The following NDUFAF6 variants were observed in gnomAD, a reference collection of about 807,000 sequenced individuals.
NDUFAF6 encodes NADH dehydrogenase (ubiquinone) complex I, assembly factor 6.
A neutral mutation model predicts 40.8 loss-of-function variants in NDUFAF6; 45 were observed. That is an observed-to-expected ratio of 1.10 (90% CI 0.87 to 1.42). The LOEUF is 1.42. NDUFAF6 is among the 40% of genes most tolerant of loss of function. NDUFAF6 has a pLI of 0.00. For synonymous variants in NDUFAF6, 185 were observed against 155.9 expected, an observed-to-expected ratio of 1.19 and a Z score of -1.39; for missense variants, 435 against 418.5, an observed-to-expected ratio of 1.04 and a Z score of -0.34.
chr8:95,046,296 C>T (rs544624509), intron 5 of NDUFAF6, among the ~76,000 whole-genome samples: 69 of 152,242 alleles, frequency 4.5e-4, no homozygotes, highest in Middle Eastern at 3.4e-3. Flanking sequence ...CTGCCCGCCT[C>T]GGCCTCCCAA....
intron 2 of NDUFAF6, chr8:94,950,371 T>G: frequency 6.6e-6 from 1 of 152,332 alleles, no homozygotes; most frequent in Non-Finnish European, 1.5e-5. Flanking sequence ...TGAGTAACGT[T>G]GATGCCTATC....
chr8:95,057,745 GTTTTTTT>G, intron 8 of NDUFAF6, 57 bp from the exon 9 acceptor site: 1 of 990,262 alleles, frequency 1.0e-6, no homozygotes, highest in Non-Finnish European at 1.5e-6. Context: ...TCTTTAGTTA[GTTTTTTT>G]TTTTTTTAAG....
chr8:94,954,303 C>T (rs6987752), upstream of NDUFAF6, among the ~76,000 whole-genome samples: 71,026 of 151,908 alleles, frequency 0.47, 17,582 homozygotes, highest in East Asian at 0.72. Context: ...CCTCATGATC[C>T]GCCCGCCTCA....
At chr8:95,114,283 A>G (rs1165493702) in intron 4 of NDUFAF6, among the ~76,000 whole-genome samples, 1 of 152,216 alleles carries the variant, frequency 6.6e-6, no homozygotes, top group Non-Finnish European at 1.5e-5. Flanking sequence ...ACCCTTAGCC[A>G]GAGGCATGGT....
At chr8:94,932,208 T>C in intron 1 of NDUFAF6, 1 of 1,323,542 alleles carries the variant, frequency 7.6e-7, no homozygotes, top group East Asian at 2.5e-5. Context: ...AAAACTGGTT[T>C]ACTATGTGCC....
Position 94,997,343 on chromosome 8 carries a change from C to CAGAGAGAG in NDUFAF6, c.-84+16386_-84+16393dup, listed in dbSNP as rs60911286. On this transcript the variant is annotated intron_variant, in intron 2 of 9. Transcript: ENST00000396111. Reference sequence around the variant, plus strand: ...ACACACACACACACACACACACACACAGAGAGAGAGAGAGAGAGAGAGACA... The same window carrying CAGAGAGAG: ...ACACACACACACACACACACACACACAGAGAGAGAGAGAGAGAGAGAGAGAGAGAGACA... Among the ~76,000 whole-genome samples, 51 of 90,570 alleles carry CAGAGAGAG rather than the reference C, an allele frequency of 5.6e-4. 1 individual carries two copies. Among genetic ancestry groups the CAGAGAGAG allele is most frequent in the African/African-American group, 2.0e-3 (45 of 22,072 alleles). The allele number at this position is 90,570 out of a possible 152,430, so 59.4% of individuals were successfully genotyped here.
intron 1 of NDUFAF6, among the ~76,000 whole-genome samples, chr8:94,910,494 A>G (rs771946858): frequency 2.6e-5 from 4 of 152,206 alleles, no homozygotes; most frequent in African/African-American, 7.2e-5. Flanking sequence ...GAAAGTTAAT[A>G]AAATAATAAC....
chr8:94,941,360 GA>G (rs1261049626), intron 1 of NDUFAF6, among the ~76,000 whole-genome samples: 1 of 151,980 alleles, frequency 6.6e-6, no homozygotes, highest in Non-Finnish European at 1.5e-5. Context: ...ATAATAAGGT[GA>G]ATTTGAATAA....
At chr8:94,991,698 A>G (rs1826199038) in intron 2 of NDUFAF6, among the ~76,000 whole-genome samples, 1 of 152,108 alleles carries the variant, frequency 6.6e-6, no homozygotes, top group African/African-American at 2.4e-5. Context: ...TCTAGCTTAC[A>G]TAAAAGTAGC....
chr8:94,918,632 G>A (rs1460592466), intron 1 of NDUFAF6, among the ~76,000 whole-genome samples: 3 of 152,144 alleles, frequency 2.0e-5, no homozygotes, highest in Non-Finnish European at 2.9e-5. Context: ...AGAGCACCCC[G>A]CATGGGGATA....
At chr8:95,051,673 G>A (rs1831448392) in intron 7 of NDUFAF6, among the ~76,000 whole-genome samples, 1 of 152,108 alleles carries the variant, frequency 6.6e-6, no homozygotes, top group Non-Finnish European at 1.5e-5. Flanking sequence ...TTGAATTCCA[G>A]GATGAATTGT....
chr8:95,017,196 C>G (rs980370175), intron 2 of NDUFAF6, among the ~76,000 whole-genome samples: 1 of 150,966 alleles, frequency 6.6e-6, no homozygotes, highest in Admixed American at 6.6e-5. Context: ...CTGCCTTGAC[C>G]TCCCAAAATG....
chr8:95,002,559 A>G (rs1457351816), intron 2 of NDUFAF6, among the ~76,000 whole-genome samples: 5 of 152,244 alleles, frequency 3.3e-5, no homozygotes, highest in Admixed American at 6.5e-5. Flanking sequence ...AAGTGCTACC[A>G]GGAATCACAG....
chr8:94,985,990 C>T (rs966062997), intron 2 of NDUFAF6, among the ~76,000 whole-genome samples: 1 of 151,888 alleles, frequency 6.6e-6, no homozygotes, highest in African/African-American at 2.4e-5. Flanking sequence ...TCTCCTGCCT[C>T]AGCCTCCCAA....
Position 95,025,208 on chromosome 8 carries a change from G to A in NDUFAF6, c.197+3G>A. 2.1e-6 allele frequency: 3 copies of A among 1,422,512 alleles called. No homozygotes were observed. Among genetic ancestry groups the A allele is most frequent in the Non-Finnish European group, 2.7e-6 (3 of 1,100,778 alleles). 88.1% of individuals were successfully genotyped at this position (1,422,512 alleles called of 1,614,324 possible). A position where few individuals can be genotyped will look rare whatever the true frequency, so the allele number is the denominator to read the frequency against. On this transcript the variant is annotated splice_donor_region_variant and intron_variant, in intron 1 of 8. Coordinates refer to ENST00000396124, the MANE Select transcript of NDUFAF6 (RefSeq NM_152416.4). The stretch of plus-strand genomic sequence containing the variant: ...CACTACTGCCTGGAGCTGCTGCGGT[G>A]AGCGAGCACGACCTTCCCTGGCGCG...
upstream of NDUFAF6, among the ~76,000 whole-genome samples, chr8:94,953,049 T>C (rs1352711812): frequency 2.6e-5 from 4 of 152,236 alleles, no homozygotes; most frequent in Non-Finnish European, 5.9e-5. Flanking sequence ...ATTATTTATG[T>C]TAAAACTTAG....
In NDUFAF6 at chr8:94,942,215, T is replaced by G. The variant is rs191673101; in HGVS notation, c.-935-3268T>G. On this transcript the variant is annotated intron_variant, in intron 1 of 14. Coordinates refer to the NDUFAF6 transcript ENST00000396113. ...CCACATCCGGCTAATTTCTTTTTTT[T>G]TTATTTAGTGGAGACAGGGTTTCAC... Among the ~76,000 whole-genome samples the G allele has an allele frequency of 4.9e-4, 74 of 152,156 alleles. No individual in the cohort carries two copies. In the South Asian group the frequency reaches 9.4e-3, roughly 19 times the overall value.
chr8:94,974,744 G>C (rs10099059), intron 1 of NDUFAF6: 79,071 of 175,498 alleles, frequency 0.45, 18,802 homozygotes, highest in East Asian at 0.69. Flanking sequence ...GAGGTACCTG[G>C]AGCCTGTAGT....
chr8:95,086,847 C>T (rs560936708), intron 2 of NDUFAF6, among the ~76,000 whole-genome samples: 10 of 152,208 alleles, frequency 6.6e-5, no homozygotes, highest in Non-Finnish European at 1.3e-4. Flanking sequence ...TCGTGATCCG[C>T]CCGCCTCCGC....
Sources: gnomAD v4.1 joint callset for allele counts (sites outside exome capture counted in the v4.1 genomes callset) on GRCh38, gnomAD v4.1.1 for gene constraint, MANE v1.5 for transcripts, NCBI Gene and HGNC (gene_info 2026-07-23, HGNC 2026-07-21) for gene names.